Variants in SHANK2 observed in about 807,000 individuals in gnomAD.
SHANK2 encodes the protein SH3 and multiple ankyrin repeat domains 2.
A neutral mutation model predicts 133.7 loss-of-function variants in SHANK2; 43 were observed. The observed-to-expected ratio is 0.32, with a 90% confidence interval of 0.25 to 0.41. SHANK2 has a LOEUF of 0.41. Ranked by LOEUF, SHANK2 falls within the 10% of genes least tolerant of loss-of-function variation. The pLI, the probability that SHANK2 is intolerant of heterozygous loss-of-function variation, is 1.00. For synonymous variants in SHANK2, 1,017 were observed against 952.8 expected (o/e 1.07, Z -1.24); for missense variants, 1,994 against 2,235.8 (o/e 0.89, Z 2.18).
At position 70,765,654 on chromosome 11, in the gene SHANK2, C is replaced by T. The variant is rs142680786; in HGVS notation, c.1777+32789G>A. On this transcript the variant is annotated intron_variant, in intron 14 of 25. Transcript: ENST00000601538. ...CAGGGTATAGCCTCAGCAAAGAGAT[C>T]CAGGAGCTCCCAAGAAGCAAGAACT... is the stretch of plus-strand genomic sequence containing the variant. Among the ~76,000 whole-genome samples the T allele has an allele frequency of 1.3e-3, 192 of 152,252 alleles. 1 individual carries two copies. Among genetic ancestry groups the T allele is most frequent in the African/African-American group, 4.5e-3 (187 of 41,554 alleles).
chr11:70,636,367 GTA>G (rs2134121964), intron 17 of SHANK2, among the ~76,000 whole-genome samples: 1 of 141,808 alleles, frequency 7.1e-6, no homozygotes, highest in Non-Finnish European at 1.6e-5. Flanking sequence ...GCATATGTGT[GTA>G]TGAATGTGAG....
intron 14 of SHANK2, among the ~76,000 whole-genome samples, chr11:70,712,481 A>C (rs1395857208): frequency 6.6e-6 from 1 of 152,166 alleles, no homozygotes; most frequent in Non-Finnish European, 1.5e-5. Flanking sequence ...TGCTCTGAAA[A>C]CTGTTTACCT....
intron 5 of SHANK2, among the ~76,000 whole-genome samples, chr11:71,110,934 G>A (rs1206877120): frequency 3.3e-5 from 5 of 152,228 alleles, no homozygotes; most frequent in Admixed American, 3.3e-4. Context: ...TCGTGAATGG[G>A]ATTAGTGTCC....
intron 17 of SHANK2, among the ~76,000 whole-genome samples, chr11:70,554,682 T>C (rs1413445842): frequency 6.6e-6 from 1 of 152,082 alleles, no homozygotes; most frequent in East Asian, 1.9e-4. Flanking sequence ...CTTCTGGGCA[T>C]TGTATATTCG....
At chr11:70,660,240 A>G (rs1251945215) in intron 16 of SHANK2, among the ~76,000 whole-genome samples, 2 of 152,130 alleles carry the variant, frequency 1.3e-5, no homozygotes, top group Non-Finnish European at 2.9e-5. Context: ...CACGCCTGTC[A>G]TTTTCTTTAA....
At chr11:70,854,718 T>A (rs2135479645) in intron 11 of SHANK2, among the ~76,000 whole-genome samples, 1 of 152,232 alleles carries the variant, frequency 6.6e-6, no homozygotes, top group Middle Eastern at 3.4e-3. Context: ...GAAATGTCCC[T>A]CTCTGTTCTC....
At position 70,520,867 on chromosome 11, in the gene SHANK2, T is replaced by C. The variant is rs116036164; in HGVS notation, c.2062-17936A>G. Among the ~76,000 whole-genome samples, 215 of 152,364 alleles carry C rather than the reference T, an allele frequency of 1.4e-3. 1 individual carries two copies. Among genetic ancestry groups the C allele is most frequent in the African/African-American group, 5.0e-3 (209 of 41,590 alleles). ...CCCGGCCGTGGTCTTTGGGAGCTCC[T>C]TGGCCTCTGGGAGCTCCCTGGGATT... On this transcript the variant is annotated intron_variant, in intron 17 of 25. Coordinates refer to ENST00000601538, the MANE Select transcript of SHANK2 (RefSeq NM_012309.5).
intron 2 of SHANK2, among the ~76,000 whole-genome samples, chr11:71,189,503 CCTCCCATCTCAG>C (rs1333968181): frequency 6.6e-6 from 1 of 152,172 alleles, no homozygotes; most frequent in Non-Finnish European, 1.5e-5. Flanking sequence ...TTCAAGCAAT[CCTCCCATCTCAG>C]CTTCCTGAGT....
intron 17 of SHANK2, among the ~76,000 whole-genome samples, chr11:70,625,103 C>G (rs1554999510): frequency 6.6e-6 from 1 of 152,182 alleles, no homozygotes; most frequent in East Asian, 1.9e-4. Flanking sequence ...TGGTTTATTA[C>G]AGCAAAGGGA....
chr11:70,572,824 T>C (rs2060063128), intron 17 of SHANK2, among the ~76,000 whole-genome samples: 1 of 152,198 alleles, frequency 6.6e-6, no homozygotes, highest in Non-Finnish European at 1.5e-5. Flanking sequence ...GTGAGGCTGC[T>C]TTGGAAGACC....
chr11:71,243,696 A>G (rs917256168), intron 1 of SHANK2, among the ~76,000 whole-genome samples: 2 of 152,182 alleles, frequency 1.3e-5, no homozygotes, highest in South Asian at 2.1e-4. Context: ...CTCTGTCTCA[A>G]AAAAATAATA....
chr11:71,130,174 C>T (rs114945241), intron 3 of SHANK2, among the ~76,000 whole-genome samples: 4,435 of 152,246 alleles, frequency 0.029, 198 homozygotes, highest in African/African-American at 0.098. Context: ...TGACTTCATT[C>T]AATATAGAAA....
intron 10 of SHANK2, among the ~76,000 whole-genome samples, chr11:70,909,306 T>C (rs781813278): frequency 1.3e-4 from 20 of 152,174 alleles, no homozygotes; most frequent in Non-Finnish European, 2.6e-4. Context: ...CTTTTCTACT[T>C]GGCCTCCAGG....
chr11:71,228,829 A>G (rs782351458), intron 1 of SHANK2, among the ~76,000 whole-genome samples: 1 of 152,214 alleles, frequency 6.6e-6, no homozygotes, highest in Non-Finnish European at 1.5e-5. Context: ...CTTCATGAAT[A>G]TAGACACAGA....
intron 2 of SHANK2, among the ~76,000 whole-genome samples, chr11:71,154,811 G>A: frequency 7.7e-6 from 1 of 129,314 alleles, no homozygotes; most frequent in Non-Finnish European, 1.6e-5. Context: ...CCAGAAGAGG[G>A]ATGGACCTAC....
intron 2 of SHANK2, among the ~76,000 whole-genome samples, chr11:71,198,045 C>G (rs1043667828): frequency 6.6e-6 from 1 of 152,226 alleles, no homozygotes; most frequent in East Asian, 1.9e-4. Flanking sequence ...ACTCTGTGTG[C>G]CGTTTCCGGT....
intron 17 of SHANK2, among the ~76,000 whole-genome samples, chr11:70,529,379 A>G (rs995562689): frequency 4.6e-5 from 7 of 152,256 alleles, no homozygotes; most frequent in Non-Finnish European, 1.0e-4. Flanking sequence ...TGGCTGGTGC[A>G]GTGGAACCGG....
intron 17 of SHANK2, chr11:70,634,427 A>C (rs1319733098): frequency 6.6e-6 from 1 of 152,264 alleles, no homozygotes; most frequent in Non-Finnish European, 1.5e-5. Flanking sequence ...TGTGCATCAA[A>C]GGGCACCATC....
In SHANK2 at chr11:70,472,496, G is replaced by A; in HGVS notation, c.*373C>T. On this transcript the variant is annotated 3_prime_UTR_variant, in exon 26 of 26. Transcript: ENST00000601538. The surrounding 1 kb of genome is among the most constrained non-coding windows in gnomAD (Gnocchi z 4.4). Reference sequence around the variant, plus strand: ...AAGCAGAGGACGGAGGTCTCAGGAGGTATCTAGAGTGCACTGGTGTCTGCC... The same window carrying A: ...AAGCAGAGGACGGAGGTCTCAGGAGATATCTAGAGTGCACTGGTGTCTGCC... 3 of 331,466 alleles carry A rather than the reference G, an allele frequency of 9.1e-6. No individual in the cohort carries two copies. Among genetic ancestry groups the A allele is most frequent in the Non-Finnish European group, 1.7e-5 (3 of 173,492 alleles). The allele number at this position is 331,466 out of a possible 1,614,324, so 20.5% of individuals were successfully genotyped here.
Sources: gnomAD v4.1 joint callset for allele counts (sites outside exome capture counted in the v4.1 genomes callset) on GRCh38, gnomAD v4.1.1 for gene constraint, Gnocchi (gnomAD v3.1) non-coding constraint, MANE v1.5 for transcripts, NCBI Gene and HGNC (gene_info 2026-07-23, HGNC 2026-07-21) for gene names.